Variants in CTNNA2 observed in about 807,000 individuals in gnomAD.
CTNNA2 encodes the protein catenin alpha 2.
A neutral mutation model predicts 101.0 loss-of-function variants in CTNNA2; 42 were observed. The observed-to-expected ratio is 0.42, with a 90% confidence interval of 0.32 to 0.54. The LOEUF (loss-of-function observed/expected upper bound fraction) is 0.54. Among genes scored for constraint, CTNNA2 ranks in the 20% least tolerant of loss-of-function variants. The pLI, the probability that CTNNA2 is intolerant of heterozygous loss-of-function variation, is 0.14. For missense variants in CTNNA2, 871 were observed against 1,223.1 expected, an observed-to-expected ratio of 0.71 and a Z score of 4.29; for synonymous variants, 450 against 456.4, an observed-to-expected ratio of 0.99 and a Z score of 0.18.
At chr2:79,990,113 C>T (rs1692061997) in intron 7 of CTNNA2, among the ~76,000 whole-genome samples, 2 of 152,094 alleles carry the variant, frequency 1.3e-5, no homozygotes, top group African/African-American at 4.8e-5. Context: ...TTCTTGCACA[C>T]AGGCTGAGGA....
In CTNNA2 at chr2:79,691,963, G is replaced by T. The variant is rs139974177; in HGVS notation, c.102+40305G>T. On this transcript the variant is annotated intron_variant, in intron 2 of 18. Transcript: ENST00000402739. Reference sequence around the variant, plus strand: ...AATACCATTTAGGACATAGGCATGGGCAAAGACTTCATGACTAAAGCACCA... The same window carrying T: ...AATACCATTTAGGACATAGGCATGGTCAAAGACTTCATGACTAAAGCACCA... 9.3e-3 allele frequency among the ~76,000 whole-genome samples: 1,412 copies of T among 152,190 alleles called. 26 individuals carry two copies. The highest frequency in any genetic ancestry group is 0.033 in the African/African-American group (1,357 of 41,524).
chr2:80,357,375 T>C (rs1285348953), intron 7 of CTNNA2, among the ~76,000 whole-genome samples: 1 of 151,876 alleles, frequency 6.6e-6, no homozygotes, highest in Non-Finnish European at 1.5e-5. Context: ...AGTTCAGCAG[T>C]CTCATAGTCT....
rs112166605 is a variant in CTNNA2 at position 80,636,137 on chromosome 2, C to T, written c.2575-11448C>T. On this transcript the variant is annotated intron_variant, in intron 18 of 18. Transcript: ENST00000402739. ...ATTTGGTTAGTAAATGTGTGCAGAG[C>T]AGGACCAAAGGCAGCAAGATTGTTG... Among the ~76,000 whole-genome samples the T allele has an allele frequency of 5.3e-3, 809 of 152,130 alleles. 7 individuals are homozygous for T. Among genetic ancestry groups the T allele is most frequent in the African/African-American group, 0.018 (745 of 41,518 alleles).
At chr2:79,343,967 T>C (rs535381359) in intron 3 of CTNNA2, among the ~76,000 whole-genome samples, 86 of 152,304 alleles carry the variant, frequency 5.6e-4, no homozygotes, top group Non-Finnish European at 1.1e-3. Context: ...GGTACGGATC[T>C]AAGATCCAAA....
chr2:79,817,261 C>G (rs540127069), intron 3 of CTNNA2, among the ~76,000 whole-genome samples: 1 of 147,158 alleles, frequency 6.8e-6, no homozygotes, highest in East Asian at 2.1e-4. Flanking sequence ...ATTAAATGAA[C>G]TCATTTTTCT....
intron 7 of CTNNA2, among the ~76,000 whole-genome samples, chr2:80,246,770 G>A (rs1238567220): frequency 6.6e-6 from 1 of 152,120 alleles, no homozygotes. Flanking sequence ...CAAAGGAAAG[G>A]ATTACTCAGG....
chr2:79,825,257 G>T (rs967889819), intron 3 of CTNNA2, among the ~76,000 whole-genome samples: 1 of 152,142 alleles, frequency 6.6e-6, no homozygotes, highest in Non-Finnish European at 1.5e-5. Flanking sequence ...TGCAGTGGAA[G>T]GAGGCAGTCA....
intron 7 of CTNNA2, among the ~76,000 whole-genome samples, chr2:80,094,147 T>C (rs1324303876): frequency 6.6e-6 from 1 of 152,240 alleles, no homozygotes; most frequent in East Asian, 1.9e-4. Flanking sequence ...AAGTCTAACA[T>C]GTAAGTCTTT....
At chr2:80,248,017 ATT>A (rs553274292) in intron 7 of CTNNA2, among the ~76,000 whole-genome samples, 4 of 141,504 alleles carry the variant, frequency 2.8e-5, no homozygotes, top group Admixed American at 7.1e-5. Flanking sequence ...TCTTTTCTTT[ATT>A]TTTTTTTTTT....
At chr2:79,572,652 TG>T (rs1675529817) in intron 1 of CTNNA2, among the ~76,000 whole-genome samples, 1 of 152,160 alleles carries the variant, frequency 6.6e-6, no homozygotes, top group African/African-American at 2.4e-5. Flanking sequence ...TTCAGGAGCC[TG>T]AGGCACTAGA....
chr2:80,062,698 T>C (rs928000045), intron 7 of CTNNA2, among the ~76,000 whole-genome samples: 1 of 142,454 alleles, frequency 7.0e-6, no homozygotes, highest in Non-Finnish European at 1.5e-5. Flanking sequence ...CACTGCACTG[T>C]GATCTTTTTT....
At chr2:80,608,044 G>A in intron 16 of CTNNA2, 140 bp from the exon 17 acceptor site, 2 of 644,886 alleles carry the variant, frequency 3.1e-6, no homozygotes, top group Non-Finnish European at 4.8e-6. Flanking sequence ...TTTCTAAAAT[G>A]CACTGTGAAA....
At chr2:79,230,589 GC>G (rs765065489) in intron 2 of CTNNA2, among the ~76,000 whole-genome samples, 18 of 152,190 alleles carry the variant, frequency 1.2e-4, no homozygotes, top group Non-Finnish European at 2.6e-4. Context: ...TGAGATTGAA[GC>G]CCCCACACAG....
At chr2:79,859,797 C>T (rs1681445731) in intron 4 of CTNNA2, among the ~76,000 whole-genome samples, 1 of 152,174 alleles carries the variant, frequency 6.6e-6, no homozygotes, top group Non-Finnish European at 1.5e-5. Flanking sequence ...CTGCTGGAGT[C>T]AGAGTAACTG....
chr2:79,192,867 T>G (rs1247265669), intron 1 of CTNNA2, among the ~76,000 whole-genome samples: 2 of 151,978 alleles, frequency 1.3e-5, no homozygotes, highest in Non-Finnish European at 2.9e-5. Flanking sequence ...ATATAAAAAG[T>G]GAAGAATGAT....
chr2:79,429,250 A>T (rs1486104119), intron 4 of CTNNA2, among the ~76,000 whole-genome samples: 1 of 152,008 alleles, frequency 6.6e-6, no homozygotes, highest in African/African-American at 2.4e-5. Flanking sequence ...CTTTTTTTTT[A>T]ATCTTGAAAT....
intron 7 of CTNNA2, among the ~76,000 whole-genome samples, chr2:80,213,372 C>T (rs1708033851): frequency 6.6e-6 from 1 of 152,140 alleles, no homozygotes; most frequent in Non-Finnish European, 1.5e-5. Context: ...TTTCCCTCTA[C>T]ACACTGCTTT....
chr2:79,434,476 A>C (rs1678692547), intron 4 of CTNNA2, among the ~76,000 whole-genome samples: 1 of 152,268 alleles, frequency 6.6e-6, no homozygotes, highest in African/African-American at 2.4e-5. Flanking sequence ...CAAAGGATGA[A>C]GTCCAAGCTC....
chr2:79,436,014 A>G (rs2104514142), intron 4 of CTNNA2, among the ~76,000 whole-genome samples: 1 of 152,180 alleles, frequency 6.6e-6, no homozygotes, highest in Middle Eastern at 3.4e-3. Flanking sequence ...CTGTGTCTGC[A>G]AAACCACACG....
Sources: gnomAD v4.1 joint callset for allele counts (sites outside exome capture counted in the v4.1 genomes callset) on GRCh38, gnomAD v4.1.1 for gene constraint, MANE v1.5 for transcripts, NCBI Gene and HGNC (gene_info 2026-07-23, HGNC 2026-07-21) for gene names.